The following UBE3B variants were observed in gnomAD, a reference collection of about 807,000 sequenced individuals.
UBE3B encodes ubiquitin protein ligase E3B.
UBE3B carries 80 observed loss-of-function variants against 132.3 expected under a neutral mutation model. The ratio of observed to expected loss-of-function variants is 0.60; its 90% CI spans 0.50 to 0.73. The LOEUF (loss-of-function observed/expected upper bound fraction) is 0.73. UBE3B is among the 30% of genes least tolerant of loss of function. UBE3B has a pLI of 0.00. For missense variants in UBE3B, 1,196 were observed against 1,362.5 expected, an observed-to-expected ratio of 0.88 and a Z score of 1.92; for synonymous variants, 487 against 520.4, an observed-to-expected ratio of 0.94 and a Z score of 0.87.
intron 18 of UBE3B, among the ~76,000 whole-genome samples, chr12:109,514,014 T>A (rs746954929): frequency 1.7e-4 from 26 of 152,256 alleles, no homozygotes; most frequent in Non-Finnish European, 3.4e-4. Context: ...CTGCCCTAAA[T>A]GTTGAACCTC....
chr12:109,489,859 A>G, intron 7 of UBE3B, 60 bp from the exon 8 acceptor site: 1 of 1,494,992 alleles, frequency 6.7e-7, no homozygotes, highest in East Asian at 2.3e-5. Flanking sequence ...TTCCTGTCCC[A>G]CATAAACAGG....
At chr12:109,484,430 C>T (rs1326311932) in intron 4 of UBE3B, among the ~76,000 whole-genome samples, 1 of 152,082 alleles carries the variant, frequency 6.6e-6, no homozygotes, top group East Asian at 1.9e-4. Flanking sequence ...CTCTCTCTGT[C>T]GCCAGGCTGG....
chr12:109,485,188 A>G (rs1022057307), intron 4 of UBE3B, among the ~76,000 whole-genome samples: 2 of 152,258 alleles, frequency 1.3e-5, no homozygotes, highest in Non-Finnish European at 2.9e-5. Context: ...GCAGCTAGTT[A>G]TCTGTAATAG....
chr12:109,516,928 C>T (rs1032588704), intron 19 of UBE3B, 44 bp downstream of exon 19: 4 of 1,597,224 alleles, frequency 2.5e-6, no homozygotes, highest in Admixed American at 1.7e-5. Flanking sequence ...GAAGTGGGCC[C>T]TGCAACATGG....
intron 14 of UBE3B, among the ~76,000 whole-genome samples, chr12:109,505,835 T>G (rs1281510499): frequency 2.0e-5 from 3 of 152,192 alleles, no homozygotes; most frequent in Non-Finnish European, 4.4e-5. Flanking sequence ...TAATATACCT[T>G]CCCCAAACAG....
intron 7 of UBE3B, 89 bp downstream of exon 7, chr12:109,488,757 C>T: frequency 2.3e-6 from 3 of 1,284,914 alleles, no homozygotes; most frequent in South Asian, 1.2e-5. Context: ...AGCATTTTTG[C>T]CACAAGCCTC....
chr12:109,480,866 A>G (rs1402635575), intron 1 of UBE3B, among the ~76,000 whole-genome samples: 1 of 152,198 alleles, frequency 6.6e-6, no homozygotes, highest in Non-Finnish European at 1.5e-5. Context: ...ACATGTTGGT[A>G]TAGTTCATGC....
chr12:109,507,440 T>C (rs1879830107), intron 14 of UBE3B, 124 bp from the exon 15 acceptor site: 1 of 1,075,954 alleles, frequency 9.3e-7, no homozygotes, highest in Non-Finnish European at 1.3e-6. Context: ...AATCCCACCT[T>C]CTTTTCACGC....
chr12:109,516,167 CTTTTTTTTTTTTTT>C (rs59084691), intron 18 of UBE3B, among the ~76,000 whole-genome samples: 39 of 91,132 alleles, frequency 4.3e-4, no homozygotes, highest in African/African-American at 1.6e-3. Flanking sequence ...TCTTTTTTTT[CTTTTTTTTTTTTTT>C]TTTTTTTTGA....
rs1331760859 is a variant in UBE3B, at chr12:109,477,832, CGAGTGGTGGGGCTGGG to C, written c.-402_-387del. Reference sequence around the variant, plus strand: ...CGGGAGAACTGGGTCGTCAGTCCTCCGAGTGGTGGGGCTGGGGACTTTGAGGGAGTTGGCTCTAGGG... The same window carrying C: ...CGGGAGAACTGGGTCGTCAGTCCTCCGACTTTGAGGGAGTTGGCTCTAGGG... On this transcript the variant is annotated 5_prime_UTR_variant, in exon 1 of 28. Transcript: ENST00000342494. 1 of 159,692 alleles carries C rather than the reference CGAGTGGTGGGGCTGGG, an allele frequency of 6.3e-6. No homozygotes were observed. Among genetic ancestry groups the C allele is most frequent in the Non-Finnish European group, 1.4e-5 (1 of 72,232 alleles). 9.9% of individuals were successfully genotyped at this position (159,692 alleles called of 1,614,324 possible). A position where few individuals can be genotyped will look rare whatever the true frequency, so the allele number is the denominator to read the frequency against.
chr12:109,513,611 GCTGTGAATAAGAAAGT>G (rs1416518820), intron 18 of UBE3B, among the ~76,000 whole-genome samples: 1 of 152,088 alleles, frequency 6.6e-6, no homozygotes, highest in Non-Finnish European at 1.5e-5. Flanking sequence ...TGATAGAGGT[GCTGTGAATAAGAAAGT>G]CAGGGAACCG....
intron 1 of UBE3B, among the ~76,000 whole-genome samples, chr12:109,479,615 G>A (rs941856596): frequency 1.5e-4 from 23 of 151,964 alleles, no homozygotes; most frequent in African/African-American, 2.4e-5. Context: ...ACACTTGATT[G>A]TGTGTTTTAT....
chr12:109,530,713 C>G, intron 26 of UBE3B, 55 bp downstream of exon 26: 3 of 1,516,770 alleles, frequency 2.0e-6, no homozygotes, highest in Non-Finnish European at 2.7e-6. Context: ...ACCTGGAAGG[C>G]CAGTTGATGT....
chr12:109,481,284 C>G (rs1490956269), intron 1 of UBE3B, among the ~76,000 whole-genome samples: 2 of 151,122 alleles, frequency 1.3e-5, no homozygotes, highest in Admixed American at 1.3e-4. Flanking sequence ...CCGCTGCACT[C>G]CAACCTCAGC....
intron 2 of UBE3B, among the ~76,000 whole-genome samples, chr12:109,482,127 ATTAAT>A (rs1330223167): frequency 8.5e-5 from 13 of 152,296 alleles, no homozygotes; most frequent in East Asian, 5.8e-4. Context: ...ATAACACGTA[ATTAAT>A]TTAATACCTC....
intron 24 of UBE3B, among the ~76,000 whole-genome samples, chr12:109,526,779 G>A (rs948815469): frequency 6.6e-6 from 1 of 151,878 alleles, no homozygotes; most frequent in Non-Finnish European, 1.5e-5. Context: ...GCTGAGGCAG[G>A]AGAATCGCTT....
chr12:109,499,923 G>A, intron 12 of UBE3B, 113 bp downstream of exon 12: 2 of 944,298 alleles, frequency 2.1e-6, no homozygotes, highest in Non-Finnish European at 2.8e-6. Flanking sequence ...AAAATAATAT[G>A]TATTCATTAT....
In UBE3B at chr12:109,529,887, C is replaced by A; in HGVS notation, c.2628-3C>A. On this transcript the variant is annotated splice_region_variant and splice_polypyrimidine_tract_variant and intron_variant, in intron 24 of 27. Transcript: ENST00000342494. ...ATTGTTATCTCTTCCTTGTTGGCAA[C>A]AGAATTAGCTACATCCATCTGATGG... 6.2e-7 allele frequency: 1 copy of A among 1,613,988 alleles called. No individual in the cohort carries two copies. The highest frequency in any genetic ancestry group is 1.1e-5 in the South Asian group (1 of 91,084).
At chr12:109,508,414 C>A in intron 15 of UBE3B, 2 of 595,702 alleles carry the variant, frequency 3.4e-6, no homozygotes, top group Non-Finnish European at 4.2e-6. Flanking sequence ...ATACTTAGTG[C>A]AGTGCCTGGC....
Sources: allele counts gnomAD v4.1 joint callset (sites outside exome capture counted in the v4.1 genomes callset), GRCh38; gene constraint gnomAD v4.1.1; transcripts MANE v1.5; gene names NCBI Gene and HGNC (gene_info 2026-07-23, HGNC 2026-07-21).